Variants in UBR3 observed in about 807,000 individuals in gnomAD.
The protein encoded by UBR3 is ubiquitin protein ligase E3 component n-recognin 3.
UBR3 carries 85 observed loss-of-function variants against 243.2 expected under a neutral mutation model. The ratio of observed to expected loss-of-function variants is 0.35; its 90% CI spans 0.29 to 0.42. The LOEUF is 0.42. UBR3 is among the 10% of genes least tolerant of loss of function. The pLI, the probability that UBR3 is intolerant of heterozygous loss-of-function variation, is 1.00. For missense variants in UBR3, 1,686 were observed against 2,300.8 expected (o/e 0.73, Z 5.47); for synonymous variants, 748 against 799.8 (o/e 0.94, Z 1.09).
chr2:169,905,251 G>T lies in UBR3; in HGVS notation c.1603G>T (p.Gly535Cys). Residue 535 changes from glycine (G) to cysteine (C), a missense_variant, in exon 9 of 39, where the codon GGT (glycine) becomes TGT (cysteine). Gly to Cys is a radical substitution (Grantham distance 159). Around this residue, in one of 8 missense-constraint regions of UBR3, gnomAD observed 346 missense variants for 585.8 expected, o/e 0.59. Coordinates refer to ENST00000272793, the MANE Select transcript of UBR3 (RefSeq NM_172070.4). ...SVAKRFLEDHGLLVTWMNFVS... is the reference protein window; with the variant it reads ...SVAKRFLEDHCLLVTWMNFVS... Reference sequence around the variant, plus strand: ...GGCCAAGAGATTTTTGGAGGATCACGGTTTGTTAGTTACATGGATGAACTT... The same window carrying T: ...GGCCAAGAGATTTTTGGAGGATCACTGTTTGTTAGTTACATGGATGAACTT... 6.5e-7 allele frequency: 1 copy of T among 1,540,966 alleles called. No homozygotes were observed. The highest frequency in any genetic ancestry group is 8.8e-7 in the Non-Finnish European group (1 of 1,142,486).
intron 5 of UBR3, among the ~76,000 whole-genome samples, chr2:169,879,663 A>G (rs1180275369): frequency 1.3e-5 from 2 of 152,196 alleles, no homozygotes; most frequent in Non-Finnish European, 2.9e-5. Flanking sequence ...ATTTCATGAG[A>G]ATATTATGAG....
intron 8 of UBR3, among the ~76,000 whole-genome samples, chr2:169,904,044 C>G (rs1219206722): frequency 6.6e-6 from 1 of 152,068 alleles, no homozygotes; most frequent in Non-Finnish European, 1.5e-5. Context: ...ATTTTAATCT[C>G]TTTAAAATAG....
At chr2:170,081,335 C>G (rs971148564) in intron 38 of UBR3, among the ~76,000 whole-genome samples, 3 of 151,972 alleles carry the variant, frequency 2.0e-5, no homozygotes, top group Non-Finnish European at 4.4e-5. Flanking sequence ...CCCGTCTCTA[C>G]TAAAAATACA....
chr2:169,851,936 T>C (rs1340266872), intron 1 of UBR3, among the ~76,000 whole-genome samples: 1 of 152,152 alleles, frequency 6.6e-6, no homozygotes, highest in Non-Finnish European at 1.5e-5. Flanking sequence ...AAATGTGAAC[T>C]ACTCTTTTGC....
chr2:169,998,794 A>C (rs2089589333), intron 26 of UBR3, among the ~76,000 whole-genome samples: 1 of 152,230 alleles, frequency 6.6e-6, no homozygotes, highest in African/African-American at 2.4e-5. Flanking sequence ...TGGAAGTGTA[A>C]CACATGGGAA....
chr2:169,930,127 C>T (rs1360036960), intron 18 of UBR3, among the ~76,000 whole-genome samples: 1 of 152,142 alleles, frequency 6.6e-6, no homozygotes, highest in Non-Finnish European at 1.5e-5. Flanking sequence ...GTGACGATTA[C>T]ATCTCTGTCA....
intron 24 of UBR3, among the ~76,000 whole-genome samples, chr2:169,966,839 C>T (rs1248694613): frequency 6.6e-6 from 1 of 152,126 alleles, no homozygotes; most frequent in Non-Finnish European, 1.5e-5. Context: ...TTTTATTCTA[C>T]AGCTTGCTTA....
intron 1 of UBR3, among the ~76,000 whole-genome samples, chr2:169,867,585 A>T (rs73024471): frequency 0.044 from 6,637 of 152,336 alleles, 168 homozygotes; most frequent in Middle Eastern, 0.068. Context: ...TTTAATAGAT[A>T]TGGTCAAGTG....
chr2:169,896,443 A>G, intron 7 of UBR3, 64 bp from the exon 8 acceptor site: 1 of 1,075,484 alleles, frequency 9.3e-7, no homozygotes, highest in East Asian at 2.7e-5. Context: ...TGATATATTG[A>G]AAATGATTTT....
Position 169,874,805 on chromosome 2 carries a change from C to G in UBR3, c.686-986C>G, listed in dbSNP as rs546513259. Among the ~76,000 whole-genome samples, 4 of 152,250 alleles carry G rather than the reference C, an allele frequency of 2.6e-5. No homozygotes were observed. In the East Asian group the frequency reaches 7.7e-4, roughly 29 times the overall value. ...AAATGTTGAATGAAATGGACATCCC[C>G]TTTCCTGGGCACACAGGTTCTCCAT... On this transcript the variant is annotated intron_variant, in intron 2 of 38. Transcript: ENST00000272793.
intron 35 of UBR3, among the ~76,000 whole-genome samples, chr2:170,069,751 C>A (rs1218798858): frequency 1.3e-5 from 2 of 151,890 alleles, no homozygotes; most frequent in African/African-American, 4.8e-5. Context: ...GCATTTCCTT[C>A]TTTTCTTAGG....
chr2:169,999,934 C>T (rs2089634116), intron 26 of UBR3, among the ~76,000 whole-genome samples: 3 of 152,030 alleles, frequency 2.0e-5, no homozygotes, highest in Admixed American at 6.5e-5. Flanking sequence ...CGAGACCAGC[C>T]TGACCAACAT....
intron 20 of UBR3, among the ~76,000 whole-genome samples, chr2:169,944,473 GAC>G (rs2086711607): frequency 6.6e-6 from 1 of 152,048 alleles, no homozygotes; most frequent in African/African-American, 2.4e-5. Flanking sequence ...AAAATAAAAA[GAC>G]AATGTTTTAG....
At chr2:170,041,055 C>A in intron 32 of UBR3, 70 bp downstream of exon 32, 1 of 1,435,984 alleles carries the variant, frequency 7.0e-7, no homozygotes. Context: ...ATTATAGAGA[C>A]AAATAGGCTG....
intron 31 of UBR3, 132 bp from the exon 32 acceptor site, chr2:170,040,750 G>GTT: frequency 1.1e-5 from 8 of 747,888 alleles, no homozygotes; most frequent in South Asian, 8.0e-5. Flanking sequence ...GACTCCTAAG[G>GTT]TTTTTTTTTA....
At chr2:169,915,239 C>CT (rs34781042) in intron 11 of UBR3, among the ~76,000 whole-genome samples, 48 of 148,010 alleles carry the variant, frequency 3.2e-4, no homozygotes, top group East Asian at 1.2e-3. Flanking sequence ...AGGACAGTGA[C>CT]TTTTTTTTTT....
chr2:170,075,368 G>A (rs1046524289), intron 36 of UBR3, among the ~76,000 whole-genome samples: 1 of 152,036 alleles, frequency 6.6e-6, no homozygotes, highest in Non-Finnish European at 1.5e-5. Context: ...GGGTATAATT[G>A]TAGAACCAAG....
chr2:170,052,003 T>C (rs1381151239), intron 32 of UBR3, among the ~76,000 whole-genome samples: 1 of 152,182 alleles, frequency 6.6e-6, no homozygotes, highest in Non-Finnish European at 1.5e-5. Context: ...CCCAAATCTC[T>C]AGCTTTAGAC....
Position 169,994,465 on chromosome 2 carries a change from T to C in UBR3, c.3918+9T>C. 1.2e-6 allele frequency: 2 copies of C among 1,610,344 alleles called. No homozygotes were observed. The highest frequency in any genetic ancestry group is 1.1e-5 in the South Asian group (1 of 90,482). On this transcript the variant is annotated intron_variant, in intron 26 of 38. Transcript: ENST00000272793. ...AGCGTTATTTTAAGGATGTAAGTAC[T>C]CTTTATAAAATAGTACTTTTGTCTG...
Sources: allele counts gnomAD v4.1 joint callset (sites outside exome capture counted in the v4.1 genomes callset), GRCh38; gene constraint gnomAD v4.1.1; regional missense constraint gnomAD v4.1.1; transcripts MANE v1.5; gene names NCBI Gene and HGNC (gene_info 2026-07-23, HGNC 2026-07-21).